MYOM1: variants seen among roughly 807,000 people sequenced by gnomAD.
MYOM1 encodes myomesin-1.
Under a neutral mutation model 205.3 loss-of-function variants are expected in MYOM1, and 164 were observed. The ratio of observed to expected loss-of-function variants is 0.80; its 90% confidence interval spans 0.70 to 0.91. The LOEUF (loss-of-function observed/expected upper bound fraction) is 0.91. Among genes scored for constraint, MYOM1 ranks in the 40% least tolerant of loss-of-function variants. MYOM1 has a pLI of 0.00. For synonymous variants in MYOM1, 772 were observed against 789.4 expected, an observed-to-expected ratio of 0.98 and a Z score of 0.37; for missense variants, 2,011 against 2,127.3, an observed-to-expected ratio of 0.95 and a Z score of 1.08.
At chr18:3,087,158 T>C (rs1240638370) in intron 29 of MYOM1, among the ~76,000 whole-genome samples, 1 of 152,184 alleles carries the variant, frequency 6.6e-6, no homozygotes, top group Non-Finnish European at 1.5e-5. Flanking sequence ...TGGAAAGCTG[T>C]GTCTGGACCC....
chr18:3,147,077 TATAA>T (rs1378594452), intron 13 of MYOM1, among the ~76,000 whole-genome samples: 2 of 142,996 alleles, frequency 1.4e-5, no homozygotes, highest in African/African-American at 5.3e-5. Context: ...ATATCTTATA[TATAA>T]ATATTATACA....
intron 20 of MYOM1, among the ~76,000 whole-genome samples, chr18:3,116,989 T>G (rs1269334233): frequency 3.3e-5 from 5 of 152,204 alleles, no homozygotes; most frequent in Admixed American, 3.3e-4. Flanking sequence ...TCTGAGCAGC[T>G]GGACCTACAA....
intron 8 of MYOM1, 68 bp from the exon 9 acceptor site, chr18:3,169,049 G>C: frequency 7.1e-7 from 1 of 1,402,924 alleles, no homozygotes; most frequent in Non-Finnish European, 9.6e-7. Flanking sequence ...ATTTTAATAA[G>C]CACAGGCAGA....
chr18:3,068,573 TC>T lies in MYOM1; in HGVS notation c.4765-1019del, dbSNP rs566410622. 2.2e-3 allele frequency among the ~76,000 whole-genome samples: 339 copies of T among 152,300 alleles called. 1 individual carries two copies. The highest frequency in any genetic ancestry group is 7.8e-3 in the African/African-American group (325 of 41,548). ...TCTGTTCCTAATCTCTGGCAACCAC[TC>T]ATCTGTTTTCCATTTCTAAAATTTT... On this transcript the variant is annotated intron_variant, in intron 37 of 37. Transcript: ENST00000356443.
At chr18:3,157,686 T>A (rs879788385) in intron 10 of MYOM1, among the ~76,000 whole-genome samples, 855 of 60,366 alleles carry the variant, frequency 0.014, 3 homozygotes, top group Non-Finnish European at 0.026. Flanking sequence ...CCAAAAATAA[T>A]AATAATAATA....
chr18:3,227,942 T>A, the MYOM1 span, among the ~76,000 whole-genome samples: 1 of 143,266 alleles, frequency 7.0e-6, no homozygotes, highest in East Asian at 2.1e-4. Flanking sequence ...AAATTTAATG[T>A]TGTGTATATT....
chr18:3,228,042 G>A, the MYOM1 span, among the ~76,000 whole-genome samples: 1 of 152,166 alleles, frequency 6.6e-6, no homozygotes, highest in African/African-American at 2.4e-5. The surrounding 1 kb of genome is among the most constrained non-coding windows in gnomAD (Gnocchi z 4.5). Flanking sequence ...AGTTTCATGA[G>A]TGTTGACAGA....
In MYOM1 at chr18:3,182,383, T is replaced by C. The variant is rs562680346; in HGVS notation, c.929+5097A>G. On this transcript the variant is annotated intron_variant, in intron 5 of 37. Coordinates refer to ENST00000356443, the MANE Select transcript of MYOM1 (RefSeq NM_003803.4). ...CACCAACATGGCACATGTATACATATGTAACAAACCTGCACGTTGTGCACA... is the reference window on the plus strand; with the variant it reads ...CACCAACATGGCACATGTATACATACGTAACAAACCTGCACGTTGTGCACA... Among the ~76,000 whole-genome samples, 11 of 152,320 alleles carry C rather than the reference T, an allele frequency of 7.2e-5. No individual in the cohort carries two copies. In the East Asian group the frequency reaches 1.9e-3, roughly 27 times the overall value.
the MYOM1 span, among the ~76,000 whole-genome samples, chr18:3,242,070 T>C: frequency 1.3e-5 from 2 of 152,234 alleles, no homozygotes; most frequent in African/African-American, 4.8e-5. Flanking sequence ...TGCAAGGGAC[T>C]TGCCTTGACT....
chr18:3,213,936 C>A (rs995594426), intron 2 of MYOM1, among the ~76,000 whole-genome samples: 2 of 152,158 alleles, frequency 1.3e-5, no homozygotes, highest in East Asian at 1.9e-4. Flanking sequence ...GCAGACCAGA[C>A]CTGCGTCTAA....
chr18:3,141,423 C>T (rs9952627), intron 14 of MYOM1, among the ~76,000 whole-genome samples: 83,136 of 151,964 alleles, frequency 0.55, 24,095 homozygotes, highest in African/African-American at 0.74. Flanking sequence ...GACCTCATTC[C>T]GCTACCTGTA....
chr18:3,159,959 C>T (rs1424998487), intron 10 of MYOM1, among the ~76,000 whole-genome samples: 3 of 141,816 alleles, frequency 2.1e-5, no homozygotes, highest in African/African-American at 5.2e-5. Flanking sequence ...CCTTCCTTCC[C>T]TGCCTGCCTT....
intron 13 of MYOM1, among the ~76,000 whole-genome samples, chr18:3,147,401 C>T (rs1161097721): frequency 2.0e-5 from 3 of 151,862 alleles, no homozygotes; most frequent in Non-Finnish European, 4.4e-5. Context: ...GAGATACAGG[C>T]TATGTTCATA....
chr18:3,128,013 G>A (rs140634063), intron 18 of MYOM1, among the ~76,000 whole-genome samples: 1 of 152,182 alleles, frequency 6.6e-6, no homozygotes, highest in African/African-American at 2.4e-5. Flanking sequence ...GGGTGAAGTG[G>A]TGGAAAGAAA....
chr18:3,175,874 T>C (rs1430482117), intron 6 of MYOM1, among the ~76,000 whole-genome samples, 168 bp downstream of exon 6: 1 of 152,168 alleles, frequency 6.6e-6, no homozygotes, highest in African/African-American at 2.4e-5. Flanking sequence ...TAAGGATCAG[T>C]CATACATATC....
At chr18:3,109,650 T>C (rs73373108) in intron 22 of MYOM1, among the ~76,000 whole-genome samples, 1,918 of 152,300 alleles carry the variant, frequency 0.013, 46 homozygotes, top group African/African-American at 0.042. Context: ...CATGAGAGAG[T>C]TGTTGTCGTT....
At chr18:3,165,938 G>A (rs2080461330) in intron 9 of MYOM1, among the ~76,000 whole-genome samples, 1 of 152,186 alleles carries the variant, frequency 6.6e-6, no homozygotes, top group Non-Finnish European at 1.5e-5. Flanking sequence ...AAGTGCTCAT[G>A]TGCACAACTG....
intron 27 of MYOM1, 23 bp from the exon 28 acceptor site, chr18:3,089,619 G>A: frequency 6.3e-7 from 1 of 1,592,876 alleles, no homozygotes; most frequent in Non-Finnish European, 8.6e-7. Flanking sequence ...AAACAAGGAA[G>A]TGTGAAATTG....
At chr18:3,156,373 T>C (rs556629144) in intron 10 of MYOM1, among the ~76,000 whole-genome samples, 1 of 152,336 alleles carries the variant, frequency 6.6e-6, no homozygotes, top group East Asian at 1.9e-4. Flanking sequence ...ATAGCAGAAA[T>C]ATCTGTCTAC....
Sources: allele counts gnomAD v4.1 joint callset (sites outside exome capture counted in the v4.1 genomes callset), GRCh38; gene constraint gnomAD v4.1.1; non-coding constraint Gnocchi (gnomAD v3.1); transcripts MANE v1.5; gene names NCBI Gene and HGNC (gene_info 2026-07-23, HGNC 2026-07-21).